The following ZAN variants were observed in gnomAD, a reference collection of about 807,000 sequenced individuals.
ZAN encodes zonadhesin, also known as zonadhesin (gene/pseudogene).
ZAN carries 260 observed loss-of-function variants against 286.2 expected under a neutral mutation model. That is an observed-to-expected ratio of 0.91 (90% CI 0.82 to 1.01). ZAN has a LOEUF of 1.01. Among genes scored for constraint, ZAN ranks in the 50% least tolerant of loss-of-function variants. ZAN has a pLI of 0.00. For missense variants in ZAN, 3,410 were observed against 3,639.2 expected, an observed-to-expected ratio of 0.94 and a Z score of 1.62; for synonymous variants, 1,368 against 1,417.5, an observed-to-expected ratio of 0.97 and a Z score of 0.79.
intron 2 of ZAN, among the ~76,000 whole-genome samples, chr7:100,735,305 C>A (rs1221803731): frequency 1.4e-5 from 2 of 139,004 alleles, no homozygotes. Flanking sequence ...TGGCTCCCAC[C>A]GGTAATCCCA....
At chr7:100,757,680 T>TG in intron 15 of ZAN, among the ~76,000 whole-genome samples, 2 of 147,234 alleles carry the variant, frequency 1.4e-5, no homozygotes, top group Non-Finnish European at 3.0e-5. Context: ...GCTTGAACGC[T>TG]GAAGGCGGAG....
Position 100,738,737 on chromosome 7 carries a change from G to A in ZAN, c.766+124G>A, listed in dbSNP as rs1562911008. 24 of 1,128,366 alleles carry A rather than the reference G, an allele frequency of 2.1e-5. 2 individuals are homozygous for A. The highest frequency in any genetic ancestry group is 2.8e-5 in the Non-Finnish European group (23 of 816,976). The allele number at this position is 1,128,366 out of a possible 1,614,324, so 69.9% of individuals were successfully genotyped here. A position where few individuals can be genotyped will look rare whatever the true frequency, so the allele number is the denominator to read the frequency against. On this transcript the variant is annotated intron_variant, in intron 7 of 47. Transcript: ENST00000613979. ...AGCCTCTTACCAGCTCAAGTTTCAC[G>A]CAAGAAGCTGATTTCAAGCACCCAG...
chr7:100,749,602 T>C (rs1297630924), intron 11 of ZAN, among the ~76,000 whole-genome samples: 5 of 145,252 alleles, frequency 3.4e-5, no homozygotes, highest in African/African-American at 7.8e-5. Context: ...ATCACGCCAT[T>C]GTACTCCAGC....
Position 100,734,358 on chromosome 7 carries a change from G to A in ZAN, c.53+137G>A, listed in dbSNP as rs778934198. On this transcript the variant is annotated intron_variant, in intron 2 of 47. Coordinates refer to ENST00000613979, the MANE Select transcript of ZAN (RefSeq NM_003386.3). ...AGAGAGGCCAGGCACGGTGGCTCAC[G>A]CCTGTAATCCCAGCACTTTGGGAGG... is the stretch of plus-strand genomic sequence containing the variant. 3.8e-4 allele frequency: 221 copies of A among 576,580 alleles called. 20 individuals carry two copies. Among genetic ancestry groups the A allele is most frequent in the Non-Finnish European group, 5.2e-4 (184 of 353,528 alleles). The allele number at this position is 576,580 out of a possible 1,614,324, so 35.7% of individuals were successfully genotyped here.
Position 100,755,173 on chromosome 7 carries a change from C to T in ZAN, c.3125-53C>T, listed in dbSNP as rs1243909774. On this transcript the variant is annotated intron_variant, in intron 14 of 47. Coordinates refer to ENST00000613979, the MANE Select transcript of ZAN (RefSeq NM_003386.3). ...TGGGGGTAGAGGAGAGACAGGGAGA[C>T]TCCCTGAGAAAGCCATGGAATGAAA... 7 of 1,552,836 alleles carry T rather than the reference C, an allele frequency of 4.5e-6. No individual in the cohort carries two copies. In the East Asian group the frequency reaches 1.6e-4, roughly 35 times the overall value.
intron 41 of ZAN, 91 bp downstream of exon 41, chr7:100,792,239 C>G: frequency 1.3e-6 from 2 of 1,497,580 alleles, no homozygotes; most frequent in South Asian, 2.7e-5. Context: ...GACCCAAGCT[C>G]TGTGTGGTTC....
Position 100,794,140 on chromosome 7 carries a change from T to C in ZAN, c.8007T>C (p.Thr2669=). 9 of 1,614,030 alleles carry C rather than the reference T, an allele frequency of 5.6e-6. No homozygotes were observed. The highest frequency in any genetic ancestry group is 7.6e-6 in the Non-Finnish European group (9 of 1,179,886). The stretch of plus-strand genomic sequence containing the variant: ...TCTAGCTGGGCAGCAGCTTTCTGAC[T>C]GAGGACTGCTCTCAGCGGTGCACCT... ...IYYQLGSSFL[T]EDCSQRCTCA... The change falls in exon 44 of 48, where the codon ACT becomes ACC. Residue 2669 remains threonine, a synonymous_variant. Transcript: ENST00000613979.
chr7:100,794,121 T>C lies in ZAN; in HGVS notation c.7988T>C (p.Leu2663Pro). The C allele has an allele frequency of 6.2e-7, 1 of 1,614,004 alleles. No individual in the cohort carries two copies. The highest frequency in any genetic ancestry group is 8.5e-7 in the Non-Finnish European group (1 of 1,179,872). The part of the protein sequence containing the change: ...GCTSNGIYYQ[L>P]GSSFLTEDCS... Reference sequence around the variant, plus strand: ...CCTCCTGGCCCTTCCCCTTTCTAGCTGGGCAGCAGCTTTCTGACTGAGGAC... The same window carrying C: ...CCTCCTGGCCCTTCCCCTTTCTAGCCGGGCAGCAGCTTTCTGACTGAGGAC... The change falls in exon 44 of 48, where the codon CTG becomes CCG. Residue 2663 changes from leucine (L) to proline (P), a missense_variant and splice_region_variant. Around this residue, in one of 7 missense-constraint regions of ZAN, gnomAD observed 1,289 missense variants for 1,314.3 expected, o/e 0.98. Coordinates refer to ENST00000613979, the MANE Select transcript of ZAN (RefSeq NM_003386.3).
At chr7:100,737,968 T>TTATG (rs1344874567) in intron 6 of ZAN, among the ~76,000 whole-genome samples, 1 of 139,376 alleles carries the variant, frequency 7.2e-6, no homozygotes, top group Non-Finnish European at 1.6e-5. Context: ...ATTTATTTAT[T>TTATG]TATTTGAGAC....
At position 100,787,938 on chromosome 7, in the gene ZAN, C is replaced by T. The variant is rs527997474; in HGVS notation, c.7029C>T (p.Asp2343=). Residue 2343 remains aspartate, a synonymous_variant, in exon 38 of 48, where the codon GAC becomes GAT. Transcript: ENST00000613979. ...VYGDPRYLTF[D]GFSYRLQGRM... ...GCGACCCCCGTTACCTCACATTTGA[C>T]GGCTTCAGCTACCGCTTGCAAGGCC... is the stretch of plus-strand genomic sequence containing the variant. 8.1e-5 allele frequency: 105 copies of T among 1,296,758 alleles called. No homozygotes were observed. In the South Asian group the frequency reaches 1.2e-3, roughly 15 times the overall value. 80.3% of individuals were successfully genotyped at this position (1,296,758 alleles called of 1,614,324 possible).
intron 15 of ZAN, 43 bp from the exon 16 acceptor site, chr7:100,758,159 T>C: frequency 1.3e-6 from 2 of 1,530,296 alleles, no homozygotes; most frequent in Non-Finnish European, 1.8e-6. Context: ...AGAAGTACTC[T>C]AGGAGCTATA....
intron 40 of ZAN, among the ~76,000 whole-genome samples, chr7:100,791,381 TTCCTCCTCCTTCTCCTCC>T (rs1811946118): frequency 6.6e-6 from 1 of 151,756 alleles, no homozygotes; most frequent in Non-Finnish European, 1.5e-5. Context: ...CCTCCTCCTC[TTCCTCCTCCTTCTCCTCC>T]TCCTCCTCCT....
At chr7:100,793,375 A>C (rs949755300) in intron 42 of ZAN, among the ~76,000 whole-genome samples, 1 of 152,062 alleles carries the variant, frequency 6.6e-6, no homozygotes, top group African/African-American at 2.4e-5. Context: ...AATAAAAAAA[A>C]GACCCTAGAT....
At chr7:100,745,135 C>T (rs564557681) in intron 7 of ZAN, among the ~76,000 whole-genome samples, 1 of 151,910 alleles carries the variant, frequency 6.6e-6, no homozygotes, top group Non-Finnish European at 1.5e-5. Flanking sequence ...CCGCCCGCCT[C>T]GGTCTCCCAA....
At chr7:100,754,735 G>A (rs113322928) in intron 14 of ZAN, among the ~76,000 whole-genome samples, 226 of 151,770 alleles carry the variant, frequency 1.5e-3, no homozygotes, top group Admixed American at 3.5e-3. Context: ...ACCTCCCAAA[G>A]TCTTGGGATT....
In ZAN at chr7:100,750,760, G is replaced by T. The variant is rs540055019; in HGVS notation, c.1385G>T (p.Gly462Val). 6.2e-7 allele frequency: 1 copy of T among 1,613,190 alleles called. No individual in the cohort carries two copies. Among genetic ancestry groups the T allele is most frequent in the African/African-American group, 1.3e-5 (1 of 75,044 alleles). Residue 462 changes from glycine (G) to valine (V), a missense_variant, in exon 12 of 48, where the codon GGT (glycine) becomes GTT (valine). By Grantham distance (109) the Gly-to-Val change is moderately radical. Around this residue, in one of 7 missense-constraint regions of ZAN, gnomAD observed 872 missense variants for 938.9 expected, o/e 0.93. Coordinates refer to ENST00000613979, the MANE Select transcript of ZAN (RefSeq NM_003386.3). Reference protein sequence around the residue: ...FAYHMYGLGEGTMLELLLGSP... With the variant: ...FAYHMYGLGEVTMLELLLGSP... The stretch of plus-strand genomic sequence containing the variant: ...TACCACATGTATGGCCTTGGGGAGG[G>T]TACTATGCTCGAACTCCTCCTGGGA...
At chr7:100,762,417 CTCTTTTT>C in intron 20 of ZAN, 59 bp downstream of exon 20, 6 of 1,063,528 alleles carry the variant, frequency 5.6e-6, no homozygotes, top group East Asian at 3.3e-5. Flanking sequence ...TCCTGGAACT[CTCTTTTT>C]TTTTTTTTTT....
chr7:100,754,695 G>A (rs1171039649), intron 14 of ZAN, among the ~76,000 whole-genome samples: 1 of 151,524 alleles, frequency 6.6e-6, no homozygotes, highest in Non-Finnish European at 1.5e-5. Context: ...GTAGAAACGG[G>A]GTTTCACCAT....
At chr7:100,773,514 G>T (rs1240005574) in intron 30 of ZAN, 21 bp downstream of exon 30, 1 of 1,610,708 alleles carries the variant, frequency 6.2e-7, no homozygotes, top group East Asian at 2.2e-5. Flanking sequence ...AGCTAGGAGG[G>T]GCCCCGCCCT....
Sources: gnomAD v4.1 joint callset for allele counts (sites outside exome capture counted in the v4.1 genomes callset) on GRCh38, gnomAD v4.1.1 for gene constraint, gnomAD v4.1.1 regional missense constraint, MANE v1.5 for transcripts, NCBI Gene and HGNC (gene_info 2026-07-23, HGNC 2026-07-21) for gene names.